The following NKAIN2 variants were observed in gnomAD, a reference collection of about 807,000 sequenced individuals.
NKAIN2 encodes the protein sodium/potassium-transporting ATPase subunit beta-1-interacting protein 2.
NKAIN2 carries 14 observed loss-of-function variants against 32.6 expected under a neutral mutation model. That is an observed-to-expected ratio of 0.43 (90% CI 0.28 to 0.67). The LOEUF is 0.67. Among genes scored for constraint, NKAIN2 ranks in the 30% least tolerant of loss-of-function variants. The pLI is 0.17. For synonymous variants in NKAIN2, 80 were observed against 87.2 expected (o/e 0.92, Z 0.46); for missense variants, 198 against 258.3 (o/e 0.77, Z 1.60).
At chr6:124,349,603 G>T (rs993743337) in intron 2 of NKAIN2, among the ~76,000 whole-genome samples, 1 of 152,068 alleles carries the variant, frequency 6.6e-6, no homozygotes, top group Non-Finnish European at 1.5e-5. Flanking sequence ...CTTGCATCCA[G>T]CTGGTATTTA....
At chr6:124,555,876 C>G (rs923204214) in intron 3 of NKAIN2, among the ~76,000 whole-genome samples, 50 of 152,274 alleles carry the variant, frequency 3.3e-4, no homozygotes, top group African/African-American at 1.2e-3. Flanking sequence ...AGAAGGAACT[C>G]TTTATCCAAG....
chr6:124,370,059 A>G (rs1319379634), intron 3 of NKAIN2, among the ~76,000 whole-genome samples: 1 of 151,660 alleles, frequency 6.6e-6, no homozygotes, highest in Non-Finnish European at 1.5e-5. Context: ...CATGCCTTTC[A>G]TATGATGACA....
intron 1 of NKAIN2, among the ~76,000 whole-genome samples, chr6:123,862,354 T>G (rs1336132758): frequency 2.0e-5 from 3 of 152,182 alleles, no homozygotes; most frequent in East Asian, 3.9e-4. Flanking sequence ...ATCTTAGTTT[T>G]ATTGCTCTTG....
intron 3 of NKAIN2, among the ~76,000 whole-genome samples, chr6:124,434,825 G>A (rs2114575937): frequency 6.6e-6 from 1 of 152,170 alleles, no homozygotes; most frequent in African/African-American, 2.4e-5. Flanking sequence ...TGCCTTGTAG[G>A]GTCACGTAGT....
intron 1 of NKAIN2, among the ~76,000 whole-genome samples, chr6:124,196,122 A>G (rs1790302565): frequency 1.3e-5 from 2 of 152,154 alleles, no homozygotes; most frequent in African/African-American, 4.8e-5. Flanking sequence ...TTGAGATTCC[A>G]GTCTTAATAT....
chr6:124,109,191 T>C (rs1785253632), intron 1 of NKAIN2, among the ~76,000 whole-genome samples: 2 of 151,998 alleles, frequency 1.3e-5, no homozygotes, highest in Non-Finnish European at 2.9e-5. Flanking sequence ...TTTGGACTTT[T>C]GATGTCTATT....
At chr6:124,021,930 A>C (rs1161729118) in intron 1 of NKAIN2, among the ~76,000 whole-genome samples, 1 of 152,186 alleles carries the variant, frequency 6.6e-6, no homozygotes, top group African/African-American at 2.4e-5. Context: ...GGTCTAGGGT[A>C]CAAGTGCACA....
intron 4 of NKAIN2, among the ~76,000 whole-genome samples, chr6:124,699,103 C>A (rs1774639813): frequency 6.6e-6 from 1 of 152,110 alleles, no homozygotes; most frequent in South Asian, 2.1e-4. Context: ...TGGCTTAAAG[C>A]AATAATTTAG....
At chr6:124,490,761 C>A (rs1452752174) in intron 3 of NKAIN2, among the ~76,000 whole-genome samples, 1 of 151,658 alleles carries the variant, frequency 6.6e-6, no homozygotes, top group Non-Finnish European at 1.5e-5. Flanking sequence ...TAAAAGAGAA[C>A]ACAGTGTAAT....
chr6:123,950,836 G>C (rs1430145157), intron 1 of NKAIN2, among the ~76,000 whole-genome samples: 1 of 151,828 alleles, frequency 6.6e-6, no homozygotes, highest in Non-Finnish European at 1.5e-5. Context: ...CTAATTTGGG[G>C]TTTGGATTGT....
chr6:124,289,337 A>T (rs962578151), intron 2 of NKAIN2, among the ~76,000 whole-genome samples: 7 of 152,024 alleles, frequency 4.6e-5, no homozygotes, highest in African/African-American at 1.4e-4. Context: ...CCTTCTCCCC[A>T]GTGAGGCAAG....
chr6:124,671,343 T>C (rs1048100514), intron 4 of NKAIN2, among the ~76,000 whole-genome samples: 1 of 152,250 alleles, frequency 6.6e-6, no homozygotes, highest in Admixed American at 6.5e-5. Context: ...GCCAGCAAAC[T>C]TTCTTTTCCA....
chr6:124,431,150 C>T (rs1323924648), intron 3 of NKAIN2, among the ~76,000 whole-genome samples: 1 of 152,176 alleles, frequency 6.6e-6, no homozygotes, highest in Non-Finnish European at 1.5e-5. Context: ...TTCTGACACT[C>T]TGTAACAGGC....
intron 3 of NKAIN2, among the ~76,000 whole-genome samples, chr6:124,418,071 TGA>T (rs1277278070): frequency 6.6e-6 from 1 of 152,076 alleles, no homozygotes; most frequent in Non-Finnish European, 1.5e-5. Context: ...TTCAGCAGCT[TGA>T]GAGACTTATT....
intron 1 of NKAIN2, among the ~76,000 whole-genome samples, chr6:124,053,987 G>A (rs1782526467): frequency 6.6e-6 from 1 of 152,022 alleles, no homozygotes; most frequent in Non-Finnish European, 1.5e-5. Context: ...AGGGAAGAAA[G>A]TAGTTAATAA....
chr6:124,431,794 A>G (rs1004941871), intron 3 of NKAIN2, among the ~76,000 whole-genome samples: 1 of 152,210 alleles, frequency 6.6e-6, no homozygotes, highest in South Asian at 2.1e-4. Flanking sequence ...TTGTGTTCAT[A>G]TATCTAAATA....
At chr6:124,822,670 T>C (rs1781438653) in intron 6 of NKAIN2, among the ~76,000 whole-genome samples, 1 of 152,196 alleles carries the variant, frequency 6.6e-6, no homozygotes, top group Admixed American at 6.5e-5. Flanking sequence ...ATTTTAATTA[T>C]ATTTTTCTTA....
intron 1 of NKAIN2, among the ~76,000 whole-genome samples, chr6:124,158,850 A>C (rs969395958): frequency 1.9e-4 from 29 of 152,176 alleles, no homozygotes; most frequent in African/African-American, 6.8e-4. Flanking sequence ...CTTTTCTTAT[A>C]GTAAGTATCC....
chr6:124,685,474 A>G (rs371716041), intron 4 of NKAIN2, among the ~76,000 whole-genome samples: 1 of 152,322 alleles, frequency 6.6e-6, no homozygotes, highest in Admixed American at 6.5e-5. Flanking sequence ...GAAGTTGTAC[A>G]AAGAAAATCC....
Sources: gnomAD v4.1 joint callset for allele counts (sites outside exome capture counted in the v4.1 genomes callset) on GRCh38, gnomAD v4.1.1 for gene constraint, MANE v1.5 for transcripts, NCBI Gene and HGNC (gene_info 2026-07-23, HGNC 2026-07-21) for gene names.